The following RNFT2 variants were observed in gnomAD, a reference collection of about 807,000 sequenced individuals.
RNFT2 encodes the protein ring finger protein, transmembrane 2, also known as E3 ubiquitin-protein ligase RNFT2.
In RNFT2, 36 loss-of-function variants were observed where a neutral mutation model predicts 53.0. That is an observed-to-expected ratio of 0.68 (90% CI 0.52 to 0.90). RNFT2 has a LOEUF of 0.90. Ranked by LOEUF, RNFT2 falls within the 40% of genes least tolerant of loss-of-function variation. The pLI, the probability that RNFT2 is intolerant of heterozygous loss-of-function variation, is 0.00. For synonymous variants in RNFT2, 260 were observed against 253.2 expected (o/e 1.03, Z -0.26); for missense variants, 514 against 585.6 (o/e 0.88, Z 1.26).
intron 6 of RNFT2, among the ~76,000 whole-genome samples, chr12:116,768,170 G>A (rs993491977): frequency 3.4e-5 from 5 of 146,086 alleles, no homozygotes; most frequent in African/African-American, 1.3e-4. Context: ...GTGCAATCCC[G>A]GCTCACTGCA....
chr12:116,801,805 TTTG>T lies in RNFT2; in HGVS notation c.882+22460_882+22462del, dbSNP rs1402594521. ...TTTGTTTGTTTTCTGTGGGGTTTTT[TTTG>T]TTTGTTTGTTTGTTTGTTTGTTTGT... On this transcript the variant is annotated intron_variant, in intron 7 of 10. Transcript: ENST00000257575. Among the ~76,000 whole-genome samples the T allele has an allele frequency of 1.9e-4, 19 of 98,978 alleles. No individual in the cohort carries two copies. The African/African-American group carries it at 1.9e-3, about 10-fold the overall frequency. The allele number at this position is 98,978 out of a possible 152,430, so 64.9% of individuals were successfully genotyped here.
rs759312702 is a variant in RNFT2 at position 116,750,015 on chromosome 12, C to T, written c.258C>T (p.Asp86=). Reference sequence around the variant, plus strand: ...TGGGCTCCTCGGCTGGCGGCGGGGACGTGTTCATCCAGATGCCCGCGTCCA... The same window carrying T: ...TGGGCTCCTCGGCTGGCGGCGGGGATGTGTTCATCCAGATGCCCGCGTCCA... ...LVLGSSAGGG[D]VFIQMPASRE... The change falls in exon 4 of 11, where the codon GAC becomes GAT. Residue 86 remains aspartate (D), a synonymous_variant. Transcript: ENST00000257575. 65 of 1,554,238 alleles carry T rather than the reference C, an allele frequency of 4.2e-5. No individual in the cohort carries two copies. The highest frequency in any genetic ancestry group is 5.2e-5 in the Non-Finnish European group (60 of 1,149,456).
In RNFT2 at chr12:116,753,148, C is replaced by CTTTTTTTTTTTTTT. The variant is rs11377177; in HGVS notation, c.551-829_551-816dup. 4.8e-3 allele frequency among the ~76,000 whole-genome samples: 450 copies of CTTTTTTTTTTTTTT among 93,650 alleles called. 2 individuals carry two copies. The highest frequency in any genetic ancestry group is 6.1e-3 in the East Asian group (19 of 3,122). 61.4% of individuals were successfully genotyped at this position (93,650 alleles called of 152,430 possible). On this transcript the variant is annotated intron_variant, in intron 4 of 10. Transcript: ENST00000257575. ...TTTTTTCTTTTTCTTTTTTCTTTTT[C>CTTTTTTTTTTTTTT]TTTTTTTTTTTTTTTTTTTTGAGAC... is the stretch of plus-strand genomic sequence containing the variant.
In RNFT2 at chr12:116,812,796, A is replaced by G. The variant is rs564740612; in HGVS notation, c.883-20996A>G. On this transcript the variant is annotated intron_variant, in intron 7 of 10. Coordinates refer to ENST00000257575, the MANE Select transcript of RNFT2 (RefSeq NM_001382266.1). ...TGATCCACCTGCCTTGGCCTCCCAA[A>G]GTGCTGGGATTACAGGTGTGAGCCA... 7.9e-4 allele frequency among the ~76,000 whole-genome samples: 120 copies of G among 152,140 alleles called. 3 individuals carry two copies. Among genetic ancestry groups the G allele is most frequent in the Non-Finnish European group, 1.6e-4 (11 of 67,976 alleles).
At chr12:116,841,818 A>AATATATATAT (rs1877289497) in intron 10 of RNFT2, among the ~76,000 whole-genome samples, 1 of 76,952 alleles carries the variant, frequency 1.3e-5, no homozygotes, top group African/African-American at 7.6e-5. Flanking sequence ...TATATATATA[A>AATATATATAT]AAATATATAT....
chr12:116,754,002 G>A lies in RNFT2; in HGVS notation c.569G>A (p.Gly190Glu). 1 of 1,613,872 alleles carries A rather than the reference G, an allele frequency of 6.2e-7. No individual in the cohort carries two copies. The highest frequency in any genetic ancestry group is 8.5e-7 in the Non-Finnish European group (1 of 1,179,862). ...QHKLGIAVCI[G>E]MASTFAYANS... ...CCCACAGGCATTGCTGTGTGCATCG[G>A]GATGGCCAGCACCTTCGCCTATGCC... Residue 190 changes from glycine (G) to glutamate (E), a missense_variant, in exon 5 of 11, where the codon GGG becomes GAG. Gly to Glu is a moderately conservative substitution (Grantham distance 98). Transcript: ENST00000257575.
Position 116,767,702 on chromosome 12 carries a change from C to A in RNFT2, c.728+788C>A, listed in dbSNP as rs543982313. 2.0e-5 allele frequency among the ~76,000 whole-genome samples: 3 copies of A among 152,312 alleles called. No individual in the cohort carries two copies. In the South Asian group the frequency reaches 6.2e-4, roughly 32 times the overall value. Reference sequence around the variant, plus strand: ...TCAAGCAGTTCTCCTGCCTCAGCCTCCCAAGTAGCTGGGATTACAGACATG... The same window carrying A: ...TCAAGCAGTTCTCCTGCCTCAGCCTACCAAGTAGCTGGGATTACAGACATG... On this transcript the variant is annotated intron_variant, in intron 6 of 10. Coordinates refer to ENST00000257575, the MANE Select transcript of RNFT2 (RefSeq NM_001382266.1).
chr12:116,761,805 A>G (rs1872699844), intron 5 of RNFT2, among the ~76,000 whole-genome samples: 1 of 152,200 alleles, frequency 6.6e-6, no homozygotes, highest in South Asian at 2.1e-4. Flanking sequence ...ACCCACCTGC[A>G]GACCCTCAAT....
rs999764227 is a variant in RNFT2 at position 116,849,719 on chromosome 12, C to T, written c.*271C>T. ...CCCTTCTAGATGCATCTTCCTTCTC[C>T]ACTCCAAGTCAAGGACCTGGCAATA... is the stretch of plus-strand genomic sequence containing the variant. On this transcript the variant is annotated 3_prime_UTR_variant, in exon 11 of 11. Coordinates refer to ENST00000257575, the MANE Select transcript of RNFT2 (RefSeq NM_001382266.1). 216 of 1,209,460 alleles carry T rather than the reference C, an allele frequency of 1.8e-4. No individual in the cohort carries two copies. Among genetic ancestry groups the T allele is most frequent in the Middle Eastern group, 1.6e-3 (5 of 3,090 alleles). 74.9% of individuals were successfully genotyped at this position (1,209,460 alleles called of 1,614,324 possible). A position where few individuals can be genotyped will look rare whatever the true frequency, so the allele number is the denominator to read the frequency against.
At chr12:116,775,000 G>A (rs1234784194) in intron 6 of RNFT2, among the ~76,000 whole-genome samples, 4 of 151,898 alleles carry the variant, frequency 2.6e-5, no homozygotes, top group Non-Finnish European at 4.4e-5. Context: ...GGTGGCTCAC[G>A]CCTGTAATCC....
intron 10 of RNFT2, among the ~76,000 whole-genome samples, chr12:116,848,575 A>G (rs1462784287): frequency 6.6e-6 from 1 of 151,860 alleles, no homozygotes; most frequent in Non-Finnish European, 1.5e-5. Flanking sequence ...ATCCACCCCA[A>G]CAACCCCAGC....
chr12:116,811,134 T>C (rs368502255), intron 7 of RNFT2, among the ~76,000 whole-genome samples: 1 of 152,266 alleles, frequency 6.6e-6, no homozygotes, highest in African/African-American at 2.4e-5. Flanking sequence ...TGGCTCACGC[T>C]ACTCGGAAGT....
chr12:116,838,015 A>T (rs1273006032), intron 10 of RNFT2, among the ~76,000 whole-genome samples: 1 of 149,602 alleles, frequency 6.7e-6, no homozygotes, highest in Non-Finnish European at 1.5e-5. Flanking sequence ...ACACAAACAT[A>T]TTTTTTTAAA....
At chr12:116,767,064 T>C in intron 6 of RNFT2, 150 bp downstream of exon 6, 1 of 563,604 alleles carries the variant, frequency 1.8e-6, no homozygotes, top group Non-Finnish European at 3.2e-6. Flanking sequence ...TATATATATC[T>C]AGACCAGCAC....
At chr12:116,763,950 C>T (rs572519922) in intron 5 of RNFT2, among the ~76,000 whole-genome samples, 40 of 152,246 alleles carry the variant, frequency 2.6e-4, no homozygotes, top group African/African-American at 9.4e-4. Context: ...GTAGAACCAT[C>T]CCAAATGCCC....
At chr12:116,798,624 A>T (rs1874621491) in intron 7 of RNFT2, among the ~76,000 whole-genome samples, 1 of 152,132 alleles carries the variant, frequency 6.6e-6, no homozygotes, top group African/African-American at 2.4e-5. Flanking sequence ...GTTGGAGTGC[A>T]GTGGCGTGAT....
At chr12:116,749,610 C>T (rs186280799) in intron 3 of RNFT2, among the ~76,000 whole-genome samples, 22 of 152,246 alleles carry the variant, frequency 1.4e-4, no homozygotes, top group Admixed American at 1.3e-3. Flanking sequence ...AGCAGTCACA[C>T]TGGATTGGGA....
intron 5 of RNFT2, among the ~76,000 whole-genome samples, chr12:116,763,749 A>G (rs1179607979): frequency 6.9e-6 from 1 of 145,392 alleles, no homozygotes; most frequent in African/African-American, 2.5e-5. Flanking sequence ...ACTGCACTCC[A>G]GCCTGGGTGA....
At chr12:116,778,133 CCTTT>C (rs759108220) in intron 6 of RNFT2, among the ~76,000 whole-genome samples, 2 of 151,442 alleles carry the variant, frequency 1.3e-5, no homozygotes, top group Non-Finnish European at 2.9e-5. Context: ...TTTCTTCCCT[CCTTT>C]CTTCCTTCCT....
Sources: gnomAD v4.1 joint callset for allele counts (sites outside exome capture counted in the v4.1 genomes callset) on GRCh38, gnomAD v4.1.1 for gene constraint, MANE v1.5 for transcripts, NCBI Gene and HGNC (gene_info 2026-07-23, HGNC 2026-07-21) for gene names.